The following TFDP2 variants were observed in gnomAD, a reference collection of about 807,000 sequenced individuals.
The protein encoded by TFDP2 is transcription factor Dp-2, also known as transcription factor Dp-2 (E2F dimerization partner 2).
A neutral mutation model predicts 59.3 loss-of-function variants in TFDP2; 17 were observed. The ratio of observed to expected loss-of-function variants is 0.29; its 90% CI spans 0.20 to 0.43. The LOEUF is 0.43. TFDP2 is among the 20% of genes least tolerant of loss of function. The probability of loss-of-function intolerance (pLI) is 1.00; values close to 1 mark genes in which losing one functional copy is unlikely to be tolerated. For missense variants in TFDP2, 391 were observed against 528.8 expected, an observed-to-expected ratio of 0.74 and a Z score of 2.56; for synonymous variants, 180 against 194.7, an observed-to-expected ratio of 0.92 and a Z score of 0.63.
At chr3:142,022,614 GA>G (rs1397221339) in intron 3 of TFDP2, among the ~76,000 whole-genome samples, 1 of 152,110 alleles carries the variant, frequency 6.6e-6, no homozygotes, top group Non-Finnish European at 1.5e-5. Flanking sequence ...AGTTGATCAA[GA>G]CAGCTGAGTG....
At chr3:142,116,912 T>A (rs2061869716) in intron 1 of TFDP2, among the ~76,000 whole-genome samples, 1 of 151,898 alleles carries the variant, frequency 6.6e-6, no homozygotes. Context: ...GGTGTAAAAT[T>A]AGTCATCTGG....
At chr3:142,025,024 GAAAA>G (rs10589827) in intron 3 of TFDP2, among the ~76,000 whole-genome samples, 3,914 of 144,622 alleles carry the variant, frequency 0.027, 167 homozygotes, top group African/African-American at 0.092. Context: ...CTGTCTCAAA[GAAAA>G]AAAAAAAAAG....
chr3:142,126,181 CTTTTTTTT>C (rs747958824), intron 1 of TFDP2: 1 of 136,858 alleles, frequency 7.3e-6, no homozygotes, highest in Non-Finnish European at 1.6e-5. Context: ...TTTTTCTTTT[CTTTTTTTT>C]TTTTTTTTGA....
chr3:142,038,362 C>T (rs558813664), intron 3 of TFDP2, among the ~76,000 whole-genome samples: 50 of 119,320 alleles, frequency 4.2e-4, no homozygotes, highest in African/African-American at 1.6e-3. Context: ...CCAGCCTGGG[C>T]GACAGAGCGA....
chr3:141,998,774 C>T (rs940174163), intron 4 of TFDP2, among the ~76,000 whole-genome samples: 2 of 152,050 alleles, frequency 1.3e-5, no homozygotes, highest in African/African-American at 4.8e-5. Context: ...GTTTCTCTGA[C>T]AATAGAATTA....
intron 4 of TFDP2, among the ~76,000 whole-genome samples, chr3:141,996,186 C>T (rs1245687787): frequency 3.9e-5 from 6 of 151,938 alleles, no homozygotes; most frequent in African/African-American, 1.5e-4. Flanking sequence ...GGTTACAAAA[C>T]AAAACATGTT....
At chr3:142,065,765 G>A (rs535743637) in intron 3 of TFDP2, among the ~76,000 whole-genome samples, 33 of 151,922 alleles carry the variant, frequency 2.2e-4, no homozygotes, top group Non-Finnish European at 4.1e-4. Context: ...TGCCTGCCTC[G>A]GCCTCTCAAA....
At chr3:141,985,951 A>G (rs1942052721) in intron 6 of TFDP2, among the ~76,000 whole-genome samples, 1 of 152,192 alleles carries the variant, frequency 6.6e-6, no homozygotes, top group Non-Finnish European at 1.5e-5. Context: ...CCATTTCACA[A>G]GAAGTGTTAG....
rs2061325975 is a variant in TFDP2, at chr3:142,101,798, A to C, written c.-49T>G. ...TTCTGTAAAGCCATTAAAAAAATAA[A>C]AAGAAAAAAACCTTCGTCTTCAATA... On this transcript the variant is annotated 5_prime_UTR_variant, in exon 2 of 13. Coordinates refer to ENST00000489671, the MANE Select transcript of TFDP2 (RefSeq NM_001178139.2). 1 of 1,189,170 alleles carries C rather than the reference A, an allele frequency of 8.4e-7. No individual in the cohort carries two copies. Among genetic ancestry groups the C allele is most frequent in the Non-Finnish European group, 1.1e-6 (1 of 895,362 alleles). 73.7% of individuals were successfully genotyped at this position (1,189,170 alleles called of 1,614,324 possible).
chr3:142,011,998 T>A (rs1944747824), intron 3 of TFDP2, among the ~76,000 whole-genome samples: 1 of 151,576 alleles, frequency 6.6e-6, no homozygotes, highest in Admixed American at 6.6e-5. Context: ...TCTACACTTT[T>A]TTTTCTTTCT....
At chr3:142,080,969 G>A (rs1192741231) in intron 3 of TFDP2, among the ~76,000 whole-genome samples, 3 of 152,090 alleles carry the variant, frequency 2.0e-5, no homozygotes, top group African/African-American at 7.2e-5. Flanking sequence ...CTTAATTTTC[G>A]CTATAGACCA....
At chr3:141,973,123 A>ATTTTTTTTTTTTTTT (rs761950988) in intron 8 of TFDP2, among the ~76,000 whole-genome samples, 3 of 58,026 alleles carry the variant, frequency 5.2e-5, no homozygotes, top group Non-Finnish European at 7.4e-5. Context: ...ATATATATAT[A>ATTTTTTTTTTTTTTT]TTTTTTTTTT....
intron 6 of TFDP2, among the ~76,000 whole-genome samples, chr3:141,987,287 G>A (rs1338004379): frequency 6.6e-6 from 1 of 151,502 alleles, no homozygotes; most frequent in African/African-American, 2.4e-5. Flanking sequence ...GTGTGTGTGT[G>A]TGTGTGTGTG....
At position 141,952,587 on chromosome 3, in the gene TFDP2, G is replaced by C; in HGVS notation, c.1267C>G (p.Arg423Gly). 11 of 1,571,004 alleles carry C rather than the reference G, an allele frequency of 7.0e-6. No individual in the cohort carries two copies. The highest frequency in any genetic ancestry group is 9.4e-6 in the Non-Finnish European group (11 of 1,168,210). The change falls in exon 13 of 13, where the codon CGA (arginine) becomes GGA (glycine). Residue 423 changes from arginine (R) to glycine (G), a missense_variant. Coordinates refer to ENST00000489671, the MANE Select transcript of TFDP2 (RefSeq NM_001178139.2). ...SSAASHCSES[R>G]GETPCSFNDE... ...TTGAACGAACAGGGGGTCTCGCCTC[G>C]GGACTCGGAGCAGTGAGAGGCCGCA...
chr3:142,033,364 C>T (rs1946528072), intron 3 of TFDP2, among the ~76,000 whole-genome samples: 1 of 152,184 alleles, frequency 6.6e-6, no homozygotes, highest in Admixed American at 6.5e-5. Context: ...CATCTCTGAT[C>T]TAGAAATCAA....
chr3:141,978,037 C>CAA (rs542596884), intron 7 of TFDP2, among the ~76,000 whole-genome samples: 1 of 141,994 alleles, frequency 7.0e-6, no homozygotes, highest in African/African-American at 2.6e-5. Flanking sequence ...TAAAAAAAAA[C>CAA]AAAAAAAAAC....
intron 3 of TFDP2, among the ~76,000 whole-genome samples, chr3:142,039,803 T>C (rs1946871050): frequency 1.3e-5 from 2 of 152,136 alleles, no homozygotes; most frequent in African/African-American, 4.8e-5. Context: ...ACTCCCCCTC[T>C]GTGATGGAGG....
chr3:141,997,307 A>G (rs1010350878), intron 4 of TFDP2, among the ~76,000 whole-genome samples: 8 of 152,242 alleles, frequency 5.3e-5, no homozygotes, highest in South Asian at 2.1e-4. Context: ...CTAAAAAAAT[A>G]CAGCATAGTT....
Position 141,993,573 on chromosome 3 carries a change from C to T in TFDP2, c.321G>A (p.Arg107=), listed in dbSNP as rs1576616839. ...ATGWVPGDRK[R]ARKFIDSDFS... ...AATCAGAGTCTATAAATTTTCTAGCCCGTTTTCTATCACTAAAAAGGAAAA... is the reference window on the plus strand; with the variant it reads ...AATCAGAGTCTATAAATTTTCTAGCTCGTTTTCTATCACTAAAAAGGAAAA... The change falls in exon 6 of 13, where the codon CGG becomes CGA. Residue 107 remains arginine (R), a synonymous_variant. Coordinates refer to ENST00000489671, the MANE Select transcript of TFDP2 (RefSeq NM_001178139.2). The T allele has an allele frequency of 6.4e-7, 1 of 1,570,414 alleles. No homozygotes were observed. The highest frequency in any genetic ancestry group is 1.7e-4 in the Middle Eastern group (1 of 5,826).
Sources: allele counts gnomAD v4.1 joint callset (sites outside exome capture counted in the v4.1 genomes callset), GRCh38; gene constraint gnomAD v4.1.1; transcripts MANE v1.5; gene names NCBI Gene and HGNC (gene_info 2026-07-23, HGNC 2026-07-21).